Variants in RBM33 observed in about 807,000 individuals in gnomAD.
RBM33 encodes RNA-binding protein 33.
In RBM33, 28 loss-of-function variants were observed where a neutral mutation model predicts 132.6. The ratio of observed to expected loss-of-function variants is 0.21; its 90% CI spans 0.16 to 0.29. The LOEUF is 0.29. Among genes scored for constraint, RBM33 ranks in the 10% least tolerant of loss-of-function variants. The probability of loss-of-function intolerance (pLI) is 1.00; values close to 1 mark genes in which losing one functional copy is unlikely to be tolerated. For synonymous variants in RBM33, 634 were observed against 593.0 expected, an observed-to-expected ratio of 1.07 and a Z score of -1.01; for missense variants, 1,291 against 1,518.5, an observed-to-expected ratio of 0.85 and a Z score of 2.49.
intron 5 of RBM33, among the ~76,000 whole-genome samples, chr7:155,699,703 G>A (rs1799904473): frequency 6.6e-6 from 1 of 152,148 alleles, no homozygotes; most frequent in African/African-American, 2.4e-5. Flanking sequence ...TCCACTGGGA[G>A]GATTTATAGT....
chr7:155,657,891 G>C (rs1018910376), intron 1 of RBM33, among the ~76,000 whole-genome samples: 1 of 152,088 alleles, frequency 6.6e-6, no homozygotes, highest in Non-Finnish European at 1.5e-5. Flanking sequence ...TTGGCCTAAC[G>C]TGTATCAGGG....
intron 2 of RBM33, among the ~76,000 whole-genome samples, chr7:155,671,463 T>G (rs1191448360): frequency 1.3e-5 from 2 of 152,194 alleles, no homozygotes; most frequent in Non-Finnish European, 2.9e-5. Flanking sequence ...AATAAAGTCT[T>G]TAGTGCATGA....
Position 155,745,275 on chromosome 7 carries a change from A to C in RBM33, c.2652A>C (p.Ser884=). ...TTAAAAACCAGGATGTCAGTATTTC[A>C]AACGTTCAGCCCAAAACATCCAATT... is the stretch of plus-strand genomic sequence containing the variant. ...LLVKNQDVSI[S]NVQPKTSNFV... The change falls in exon 14 of 18, where the codon TCA becomes TCC. Residue 884 remains serine (S), a synonymous_variant. Coordinates refer to ENST00000401878, the MANE Select transcript of RBM33 (RefSeq NM_053043.3). The surrounding 1 kb of genome is among the most constrained non-coding windows in gnomAD (Gnocchi z 4.1). 1 of 1,612,936 alleles carries C rather than the reference A, an allele frequency of 6.2e-7. No homozygotes were observed. The highest frequency in any genetic ancestry group is 8.5e-7 in the Non-Finnish European group (1 of 1,179,378).
chr7:155,648,011 A>G (rs1225072762), intron 1 of RBM33, among the ~76,000 whole-genome samples: 2 of 152,236 alleles, frequency 1.3e-5, no homozygotes, highest in Non-Finnish European at 2.9e-5. Context: ...AAGATTTACA[A>G]CAGCATTCTT....
At chr7:155,666,345 A>G (rs1430749151) in intron 2 of RBM33, among the ~76,000 whole-genome samples, 2 of 152,170 alleles carry the variant, frequency 1.3e-5, no homozygotes, top group Non-Finnish European at 2.9e-5. Flanking sequence ...CCCAACTCCA[A>G]CTTTTTGGGT....
Position 155,659,378 on chromosome 7 carries a change from T to C in RBM33, c.44-5797T>C, listed in dbSNP as rs550206959. Among the ~76,000 whole-genome samples, 5 of 152,134 alleles carry C rather than the reference T, an allele frequency of 3.3e-5. No homozygotes were observed. The East Asian group carries it at 9.7e-4, about 29-fold the overall frequency. On this transcript the variant is annotated intron_variant, in intron 1 of 17. Transcript: ENST00000401878. ...GCTAAAGGAAATCTGGAGAATGATA[T>C]ATGAAGAAGTAGAGAATATTAATAA...
rs548671240 is a variant in RBM33, at chr7:155,745,635, A to T, written c.2979+33A>T. On this transcript the variant is annotated intron_variant, in intron 14 of 17. Coordinates refer to ENST00000401878, the MANE Select transcript of RBM33 (RefSeq NM_053043.3). The surrounding 1 kb of genome is among the most constrained non-coding windows in gnomAD (Gnocchi z 4.1). ...GACAAGTTTTATGAGAGCCTCTTTGAGTCTGTGTATCACATAGAATGTCCT... is the reference window on the plus strand; with the variant it reads ...GACAAGTTTTATGAGAGCCTCTTTGTGTCTGTGTATCACATAGAATGTCCT... The T allele has an allele frequency of 6.6e-6, 10 of 1,517,350 alleles. No individual in the cohort carries two copies. In the East Asian group the frequency reaches 2.3e-4, roughly 35 times the overall value. 94.0% of individuals were successfully genotyped at this position (1,517,350 alleles called of 1,614,324 possible).
chr7:155,696,400 C>T (rs2116950142), intron 5 of RBM33, among the ~76,000 whole-genome samples: 1 of 152,292 alleles, frequency 6.6e-6, no homozygotes, highest in South Asian at 2.1e-4. Flanking sequence ...CCTTTTCAAT[C>T]TATATCCATT....
intron 1 of RBM33, among the ~76,000 whole-genome samples, chr7:155,661,768 A>T (rs932278880): frequency 6.6e-6 from 1 of 151,926 alleles, no homozygotes; most frequent in Non-Finnish European, 1.5e-5. Context: ...CGGTTTTTTG[A>T]TCATGGTTTC....
intron 14 of RBM33, among the ~76,000 whole-genome samples, chr7:155,754,707 T>C (rs1801791845): frequency 6.6e-6 from 1 of 152,200 alleles, no homozygotes; most frequent in Admixed American, 6.5e-5. Flanking sequence ...AGGTAGACTG[T>C]TAAGAGAGAG....
At chr7:155,657,899 G>C (rs1432919719) in intron 1 of RBM33, among the ~76,000 whole-genome samples, 1 of 152,146 alleles carries the variant, frequency 6.6e-6, no homozygotes, top group African/African-American at 2.4e-5. Context: ...ACGTGTATCA[G>C]GGACAGTGCA....
At chr7:155,648,451 A>G (rs1328967559) in intron 1 of RBM33, among the ~76,000 whole-genome samples, 2 of 152,214 alleles carry the variant, frequency 1.3e-5, no homozygotes, top group Non-Finnish European at 2.9e-5. Context: ...GTAAGGCAGG[A>G]AAGTATGAAG....
intron 8 of RBM33, among the ~76,000 whole-genome samples, chr7:155,712,484 A>G (rs970576410): frequency 6.6e-6 from 1 of 152,234 alleles, no homozygotes; most frequent in African/African-American, 2.4e-5. Flanking sequence ...AGCAGTAAAC[A>G]TAAGTATTTT....
chr7:155,693,193 T>G (rs1799695110), intron 5 of RBM33, among the ~76,000 whole-genome samples: 1 of 152,230 alleles, frequency 6.6e-6, no homozygotes, highest in African/African-American at 2.4e-5. Flanking sequence ...AAAAATTTTT[T>G]TACTGTAAGC....
At chr7:155,699,723 A>G (rs572084167) in intron 5 of RBM33, among the ~76,000 whole-genome samples, 2 of 152,290 alleles carry the variant, frequency 1.3e-5, no homozygotes, top group African/African-American at 4.8e-5. Flanking sequence ...TAGAGTGTGC[A>G]TTTGTAGTTG....
At position 155,680,197 on chromosome 7, in the gene RBM33, TTCTG is replaced by T. The variant is rs551221049; in HGVS notation, c.249-389_249-386del. Among the ~76,000 whole-genome samples the T allele has an allele frequency of 1.5e-3, 221 of 152,358 alleles. 4 individuals carry two copies. The highest frequency in any genetic ancestry group is 4.9e-3 in the African/African-American group (205 of 41,590). On this transcript the variant is annotated intron_variant, in intron 4 of 17. Coordinates refer to ENST00000401878, the MANE Select transcript of RBM33 (RefSeq NM_053043.3). ...GTTTTTACTTTGAACTCTTAGCAGT[TTCTG>T]TCTATTTCATTTTGTAAATTAGAAT...
chr7:155,741,334 C>T (rs1801327902), intron 12 of RBM33, among the ~76,000 whole-genome samples: 2 of 151,998 alleles, frequency 1.3e-5, no homozygotes, highest in East Asian at 3.9e-4. Context: ...GTAAAACGTT[C>T]TGGCACCTTT....
At chr7:155,734,342 G>A (rs1801046873) in intron 9 of RBM33, among the ~76,000 whole-genome samples, 2 of 152,322 alleles carry the variant, frequency 1.3e-5, no homozygotes, top group South Asian at 4.1e-4. Context: ...TACCTAGGTG[G>A]TTGGGCAAAC....
At position 155,745,403 on chromosome 7, in the gene RBM33, T is replaced by A. The variant is rs767707899; in HGVS notation, c.2780T>A (p.Leu927Gln). 6.2e-7 allele frequency: 1 copy of A among 1,613,666 alleles called. No homozygotes were observed. Among genetic ancestry groups the A allele is most frequent in the South Asian group, 1.1e-5 (1 of 90,950 alleles). The change falls in exon 14 of 18, where the codon CTG becomes CAG. Residue 927 changes from leucine to glutamine, a missense_variant. Transcript: ENST00000401878. The surrounding 1 kb of genome is among the most constrained non-coding windows in gnomAD (Gnocchi z 4.1). ...RTVPQSQTQPLHKVLPIKPAD... is the reference protein window; with the variant it reads ...RTVPQSQTQPQHKVLPIKPAD... The stretch of plus-strand genomic sequence containing the variant: ...GTTCCTCAAAGTCAGACTCAGCCGC[T>A]GCATAAAGTGCTCCCGATCAAACCT...
Sources: gnomAD v4.1 joint callset for allele counts (sites outside exome capture counted in the v4.1 genomes callset) on GRCh38, gnomAD v4.1.1 for gene constraint, Gnocchi (gnomAD v3.1) non-coding constraint, MANE v1.5 for transcripts, NCBI Gene and HGNC (gene_info 2026-07-23, HGNC 2026-07-21) for gene names.